Variants in CCDC171 observed in about 807,000 individuals in gnomAD.
The protein encoded by CCDC171 is coiled-coil domain-containing protein 171.
CCDC171 carries 177 observed loss-of-function variants against 168.2 expected under a neutral mutation model. The ratio of observed to expected loss-of-function variants is 1.05; its 90% CI spans 0.93 to 1.19. CCDC171 has a LOEUF of 1.19. CCDC171 is among the 50% of genes most tolerant of loss of function. The probability of loss-of-function intolerance (pLI) is 0.00; values close to 1 mark genes in which losing one functional copy is unlikely to be tolerated. For synonymous variants in CCDC171, 687 were observed against 540.8 expected, an observed-to-expected ratio of 1.27 and a Z score of -3.75; for missense variants, 1,991 against 1,539.0, an observed-to-expected ratio of 1.29 and a Z score of -4.91.
intron 6 of CCDC171, among the ~76,000 whole-genome samples, chr9:15,619,490 A>G (rs2044343410): frequency 6.6e-6 from 1 of 152,192 alleles, no homozygotes; most frequent in East Asian, 1.9e-4. Flanking sequence ...CTAATTTAGA[A>G]CAAGACCCTA....
chr9:15,744,731 C>T lies in CCDC171; in HGVS notation c.2508C>T (p.Gly836=), dbSNP rs1245130040. Reference sequence around the variant, plus strand: ...TGGAGAGTTTCAAAGAAGGCATAGGCATGTTAGTGTGCACAGGAGAGCCCC... The same window carrying T: ...TGGAGAGTTTCAAAGAAGGCATAGGTATGTTAGTGTGCACAGGAGAGCCCC... ...TWMESFKEGI[G]MLVCTGEPQD... The change falls in exon 17 of 26, where the codon GGC becomes GGT. Residue 836 remains glycine (G), a synonymous_variant. Coordinates refer to ENST00000380701, the MANE Select transcript of CCDC171 (RefSeq NM_173550.4). The T allele has an allele frequency of 3.1e-6, 5 of 1,614,002 alleles. No individual in the cohort carries two copies. The highest frequency in any genetic ancestry group is 1.7e-5 in the Admixed American group (1 of 60,004).
In CCDC171 at chr9:15,591,472, G is replaced by A. The variant is rs556574737; in HGVS notation, c.459G>A (p.Glu153=). Reference sequence around the variant, plus strand: ...GCAGAAGATTTGAACATGATTTGGAGGAAAGAGACAATATGATCCAAAATT... The same window carrying A: ...GCAGAAGATTTGAACATGATTTGGAAGAAAGAGACAATATGATCCAAAATT... ...EECRRFEHDL[E]ERDNMIQNCN... Residue 153 remains glutamate, a synonymous_variant, in exon 5 of 26, where the codon GAG becomes GAA. Transcript: ENST00000380701. 36 of 1,607,874 alleles carry A rather than the reference G, an allele frequency of 2.2e-5. No homozygotes were observed. The South Asian group carries it at 3.3e-4, about 15-fold the overall frequency.
intron 23 of CCDC171, among the ~76,000 whole-genome samples, chr9:15,851,320 T>C (rs1171521267): frequency 6.6e-6 from 1 of 151,736 alleles, no homozygotes. Context: ...TAAAAACATA[T>C]AGTTTTTTTT....
At chr9:16,000,647 G>A (rs1009578961) in intron 3 of CCDC171, among the ~76,000 whole-genome samples, 1 of 151,940 alleles carries the variant, frequency 6.6e-6, no homozygotes, top group Non-Finnish European at 1.5e-5. Context: ...AGGTATGTCT[G>A]TAGATATCTT....
intron 23 of CCDC171, among the ~76,000 whole-genome samples, chr9:15,869,418 A>G (rs190141735): frequency 8.6e-5 from 13 of 151,722 alleles, no homozygotes; most frequent in Non-Finnish European, 8.8e-5. Context: ...AATTTTTTTT[A>G]AATTATTTTT....
intron 10 of CCDC171, among the ~76,000 whole-genome samples, chr9:15,686,360 T>C (rs1050086204): frequency 5.3e-5 from 8 of 152,050 alleles, no homozygotes; most frequent in Non-Finnish European, 1.0e-4. Context: ...ATGTGTAAAA[T>C]GGTGCTAACA....
At chr9:15,901,540 A>T (rs1225485774) in intron 24 of CCDC171, among the ~76,000 whole-genome samples, 1 of 152,250 alleles carries the variant, frequency 6.6e-6, no homozygotes, top group Non-Finnish European at 1.5e-5. Context: ...AATATACCAT[A>T]AAATCTATCT....
intron 25 of CCDC171, among the ~76,000 whole-genome samples, chr9:15,943,558 A>T (rs1827960285): frequency 1.3e-5 from 2 of 151,994 alleles, no homozygotes; most frequent in Non-Finnish European, 1.5e-5. Flanking sequence ...TCTCGAAGTC[A>T]GACATTGTGT....
At chr9:15,925,191 A>T (rs1825758072) in intron 25 of CCDC171, among the ~76,000 whole-genome samples, 1 of 151,748 alleles carries the variant, frequency 6.6e-6, no homozygotes, top group South Asian at 2.1e-4. Context: ...AAAGGAAAGA[A>T]CTTGACCGAT....
Position 16,059,028 on chromosome 9 carries a change from T to G in CCDC171, n.90-1618T>G, listed in dbSNP as rs75916381. On this transcript the variant is annotated intron_variant and non_coding_transcript_variant, in intron 1 of 1. Transcript: ENST00000478913. ...AAGATGGTGCCTTTTCCCACAAACA[T>G]GGAAGCAAAATGGTCTGTTCCTGTC... Among the ~76,000 whole-genome samples the G allele has an allele frequency of 1.8e-3, 276 of 152,262 alleles. 3 individuals carry two copies. The highest frequency in any genetic ancestry group is 3.4e-3 in the Middle Eastern group (1 of 294).
rs182199324 is a variant in CCDC171, at chr9:15,571,616, T to C, written c.42-8T>C. 57 of 1,536,126 alleles carry C rather than the reference T, an allele frequency of 3.7e-5. 2 individuals carry two copies. In the East Asian group the frequency reaches 9.1e-4, roughly 25 times the overall value. ...GCATATACATTTTACTGTAATCTCA[T>C]TTTAAAGGTTGAAGATTGCCTCATT... On this transcript the variant is annotated splice_region_variant and splice_polypyrimidine_tract_variant and intron_variant, in intron 2 of 25. Transcript: ENST00000380701.
intron 9 of CCDC171, among the ~76,000 whole-genome samples, chr9:15,674,515 C>T (rs547740258): frequency 2.6e-5 from 4 of 152,302 alleles, no homozygotes; most frequent in African/African-American, 9.6e-5. Context: ...AAATTTCCCT[C>T]TACACACTTC....
At chr9:15,652,062 C>G (rs1189782875) in intron 7 of CCDC171, among the ~76,000 whole-genome samples, 1 of 152,080 alleles carries the variant, frequency 6.6e-6, no homozygotes, top group Admixed American at 6.6e-5. Flanking sequence ...GTGTGCCTCA[C>G]CACACCCGGC....
intron 3 of CCDC171, among the ~76,000 whole-genome samples, chr9:15,982,349 A>T (rs1474211593): frequency 6.6e-6 from 1 of 152,174 alleles, no homozygotes; most frequent in Non-Finnish European, 1.5e-5. Context: ...TAACCTCGTG[A>T]ACCTCAGATT....
chr9:15,853,048 C>G (rs1040045383), intron 23 of CCDC171, among the ~76,000 whole-genome samples: 4 of 151,628 alleles, frequency 2.6e-5, no homozygotes, highest in African/African-American at 9.7e-5. Context: ...ATTGTTTTGA[C>G]TATTCAAGTT....
chr9:15,650,181 T>C (rs948066838), intron 7 of CCDC171, among the ~76,000 whole-genome samples: 8 of 152,142 alleles, frequency 5.3e-5, no homozygotes, highest in Admixed American at 2.6e-4. Context: ...TTCTCACTCA[T>C]AGGTGGGAAA....
intron 24 of CCDC171, among the ~76,000 whole-genome samples, chr9:15,898,609 A>G (rs1005600884): frequency 1.3e-5 from 2 of 151,858 alleles, no homozygotes; most frequent in Non-Finnish European, 2.9e-5. Context: ...CTTCTTGTTT[A>G]TTTGTTTCTA....
chr9:16,050,535 T>C (rs755694679), intron 1 of CCDC171, among the ~76,000 whole-genome samples: 8 of 152,342 alleles, frequency 5.3e-5, no homozygotes, highest in Middle Eastern at 6.8e-3. Context: ...AGTGCCAGTT[T>C]GCCATACTGT....
At chr9:15,768,250 C>G (rs2056839065) in intron 18 of CCDC171, among the ~76,000 whole-genome samples, 1 of 151,692 alleles carries the variant, frequency 6.6e-6, no homozygotes, top group African/African-American at 2.4e-5. Flanking sequence ...TTCTTAGGCC[C>G]AAAACTTCCT....
Sources: gnomAD v4.1 joint callset for allele counts (sites outside exome capture counted in the v4.1 genomes callset) on GRCh38, gnomAD v4.1.1 for gene constraint, MANE v1.5 for transcripts, NCBI Gene and HGNC (gene_info 2026-07-23, HGNC 2026-07-21) for gene names.